The following RGS7BP variants were observed in gnomAD, a reference collection of about 807,000 sequenced individuals.
The protein encoded by RGS7BP is regulator of G protein signaling 7 binding protein, also known as regulator of G protein signaling 7-binding protein.
Under a neutral mutation model 31.3 loss-of-function variants are expected in RGS7BP, and 9 were observed. The ratio of observed to expected loss-of-function variants is 0.29; its 90% CI spans 0.17 to 0.50. The LOEUF is 0.50. Among genes scored for constraint, RGS7BP ranks in the 20% least tolerant of loss-of-function variants. RGS7BP has a pLI of 0.98. For synonymous variants in RGS7BP, 115 were observed against 120.1 expected, an observed-to-expected ratio of 0.96 and a Z score of 0.28; for missense variants, 274 against 322.0, an observed-to-expected ratio of 0.85 and a Z score of 1.14.
In RGS7BP at chr5:64,515,097, C is replaced by T. The variant is rs553732554; in HGVS notation, c.332+7220C>T. The stretch of plus-strand genomic sequence containing the variant: ...AAGAGACCAAGGCTGTTTCATTCAT[C>T]TTTGCACCCTGAGTGGTAAGCTCAA... On this transcript the variant is annotated intron_variant, in intron 2 of 5. Transcript: ENST00000334025. Among the ~76,000 whole-genome samples the T allele has an allele frequency of 1.0e-3, 156 of 152,300 alleles. 2 individuals carry two copies. Among genetic ancestry groups the T allele is most frequent in the African/African-American group, 3.0e-3 (125 of 41,574 alleles).
chr5:64,510,184 C>A (rs1045627065), intron 2 of RGS7BP, among the ~76,000 whole-genome samples: 2 of 152,172 alleles, frequency 1.3e-5, no homozygotes, highest in African/African-American at 4.8e-5. Flanking sequence ...CACAACCCAG[C>A]TATTTCCTTT....
chr5:64,591,198 A>G (rs959772970), intron 3 of RGS7BP, among the ~76,000 whole-genome samples: 1 of 152,112 alleles, frequency 6.6e-6, no homozygotes, highest in Non-Finnish European at 1.5e-5. Flanking sequence ...TCAATAAGAA[A>G]CCCAACCCAT....
At chr5:64,527,065 C>T (rs1301076882) in intron 2 of RGS7BP, among the ~76,000 whole-genome samples, 1 of 152,138 alleles carries the variant, frequency 6.6e-6, no homozygotes, top group Non-Finnish European at 1.5e-5. Flanking sequence ...GAAAATGGAC[C>T]AAGAAGTTAC....
At chr5:64,531,948 G>T in intron 2 of RGS7BP, among the ~76,000 whole-genome samples, 1 of 152,114 alleles carries the variant, frequency 6.6e-6, no homozygotes, top group Non-Finnish European at 1.5e-5. Flanking sequence ...CTATCCTTTA[G>T]TTTCCTACCT....
chr5:64,600,941 C>T (rs6859057), intron 5 of RGS7BP, among the ~76,000 whole-genome samples: 25,494 of 152,154 alleles, frequency 0.17, 2,684 homozygotes, highest in African/African-American at 0.3. Context: ...ACAAATCATA[C>T]AGATTCTTCC....
At chr5:64,545,433 G>T (rs148075709) in intron 2 of RGS7BP, among the ~76,000 whole-genome samples, 1 of 151,606 alleles carries the variant, frequency 6.6e-6, no homozygotes. Context: ...AAAAAGAGTC[G>T]GCTTTTATCC....
intron 3 of RGS7BP, among the ~76,000 whole-genome samples, chr5:64,584,574 T>C (rs1742691965): frequency 6.6e-6 from 1 of 152,152 alleles, no homozygotes; most frequent in Non-Finnish European, 1.5e-5. Context: ...TGAACGTATC[T>C]TCTATTGTTT....
At chr5:64,606,069 C>T (rs773498333) in intron 5 of RGS7BP, among the ~76,000 whole-genome samples, 3 of 140,500 alleles carry the variant, frequency 2.1e-5, no homozygotes, top group Non-Finnish European at 3.1e-5. Flanking sequence ...GAAGGCTGAG[C>T]GAGAAGAATT....
rs6894267 is a variant in RGS7BP, at chr5:64,598,255, T to C, written c.612-110T>C. On this transcript the variant is annotated intron_variant, in intron 4 of 5. Transcript: ENST00000334025. ...TTTGCCTACTGGAAACTAGAGCTAG[T>C]GCAATTAGACACAGACCCTCATCTT... 2,385 of 685,766 alleles carry C rather than the reference T, an allele frequency of 3.5e-3. 37 individuals carry two copies. In the African/African-American group the frequency reaches 0.039, roughly 11 times the overall value. 42.5% of individuals were successfully genotyped at this position (685,766 alleles called of 1,614,324 possible). A position where few individuals can be genotyped will look rare whatever the true frequency, so the allele number is the denominator to read the frequency against.
chr5:64,556,523 A>AT (rs1741932570), intron 2 of RGS7BP, among the ~76,000 whole-genome samples: 1 of 151,570 alleles, frequency 6.6e-6, no homozygotes, highest in African/African-American at 2.4e-5. Context: ...AGTTTGGAAA[A>AT]TTTGTTACAA....
chr5:64,584,382 T>C (rs189621932), intron 3 of RGS7BP, among the ~76,000 whole-genome samples: 3 of 152,296 alleles, frequency 2.0e-5, no homozygotes, highest in Admixed American at 6.5e-5. Context: ...CTATTACATA[T>C]AGTAAAAGTA....
rs531172269 is a variant in RGS7BP at position 64,523,372 on chromosome 5, A to G, written c.332+15495A>G. 2.4e-4 allele frequency among the ~76,000 whole-genome samples: 37 copies of G among 152,304 alleles called. 1 individual carries two copies. The highest frequency in any genetic ancestry group is 7.9e-4 in the African/African-American group (33 of 41,560). On this transcript the variant is annotated intron_variant, in intron 2 of 5. Coordinates refer to ENST00000334025, the MANE Select transcript of RGS7BP (RefSeq NM_001029875.3). ...GTGTGGCTTTTTCTTAAGAGAATCT[A>G]TGAATTCAAGTTTACATGTGAAATA...
chr5:64,609,097 A>G (rs1232276253), intron 5 of RGS7BP, 64 bp from the exon 6 acceptor site: 2 of 1,024,090 alleles, frequency 2.0e-6, no homozygotes, highest in Admixed American at 3.4e-5. Context: ...TTTTAAAGCC[A>G]CTTCCTAAAA....
chr5:64,559,225 C>G (rs1028885253), intron 2 of RGS7BP, among the ~76,000 whole-genome samples: 2 of 152,126 alleles, frequency 1.3e-5, no homozygotes, highest in African/African-American at 4.8e-5. Context: ...CCCAGACACC[C>G]AGCTTTAAAA....
At chr5:64,545,711 A>G (rs4700636) in intron 2 of RGS7BP, among the ~76,000 whole-genome samples, 119,959 of 152,088 alleles carry the variant, frequency 0.79, 47,897 homozygotes, top group African/African-American at 0.89. Context: ...AATAAATTAA[A>G]GATAACAGGA....
At chr5:64,595,075 A>G (rs1743029481) in intron 4 of RGS7BP, among the ~76,000 whole-genome samples, 1 of 152,148 alleles carries the variant, frequency 6.6e-6, no homozygotes, top group Non-Finnish European at 1.5e-5. Context: ...CTGCAGAGGA[A>G]CACTAGCAAC....
intron 3 of RGS7BP, 111 bp downstream of exon 3, chr5:64,576,015 T>C: frequency 1.1e-6 from 1 of 916,558 alleles, no homozygotes; most frequent in Non-Finnish European, 1.6e-6. Context: ...GCAATTACGA[T>C]GAATTTAAAT....
chr5:64,532,324 C>T (rs1749392715), intron 2 of RGS7BP, among the ~76,000 whole-genome samples: 1 of 150,726 alleles, frequency 6.6e-6, no homozygotes, highest in African/African-American at 2.4e-5. Context: ...TGGAGCTGTA[C>T]CTGGGTTGTA....
intron 2 of RGS7BP, among the ~76,000 whole-genome samples, chr5:64,565,901 G>T (rs1179871567): frequency 6.6e-6 from 1 of 152,054 alleles, no homozygotes; most frequent in Non-Finnish European, 1.5e-5. Flanking sequence ...GGCATGAAGT[G>T]TCATTTTTGA....
Sources: allele counts gnomAD v4.1 joint callset (sites outside exome capture counted in the v4.1 genomes callset), GRCh38; gene constraint gnomAD v4.1.1; transcripts MANE v1.5; gene names NCBI Gene and HGNC (gene_info 2026-07-23, HGNC 2026-07-21).